SLC24A2: variants seen among roughly 807,000 people sequenced by gnomAD.
SLC24A2 encodes solute carrier family 24 member 2, also known as sodium/potassium/calcium exchanger 2.
Under a neutral mutation model 62.0 loss-of-function variants are expected in SLC24A2, and 36 were observed. The ratio of observed to expected loss-of-function variants is 0.58; its 90% CI spans 0.44 to 0.77. SLC24A2 has a LOEUF of 0.77. Among genes scored for constraint, SLC24A2 ranks in the 30% least tolerant of loss-of-function variants. SLC24A2 has a pLI of 0.00. For missense variants in SLC24A2, 846 were observed against 817.9 expected (o/e 1.03, Z -0.42); for synonymous variants, 358 against 294.0 (o/e 1.22, Z -2.23).
At chr9:19,726,797 A>G (rs1462217289) in intron 2 of SLC24A2, among the ~76,000 whole-genome samples, 1 of 152,218 alleles carries the variant, frequency 6.6e-6, no homozygotes, top group African/African-American at 2.4e-5. Context: ...GAATTGATCT[A>G]TCCCAAGGCA....
intron 2 of SLC24A2, among the ~76,000 whole-genome samples, chr9:19,689,151 C>G (rs539796567): frequency 6.6e-6 from 1 of 152,178 alleles, no homozygotes; most frequent in South Asian, 2.1e-4. Flanking sequence ...GATAAGGTAA[C>G]TGAGGCTGAG....
In SLC24A2 at chr9:19,578,808, T is replaced by C. The variant is rs149101274; in HGVS notation, c.1130-1786A>G. Among the ~76,000 whole-genome samples, 250 of 152,206 alleles carry C rather than the reference T, an allele frequency of 1.6e-3. 1 individual carries two copies. The highest frequency in any genetic ancestry group is 3.1e-3 in the Admixed American group (47 of 15,286). On this transcript the variant is annotated intron_variant, in intron 5 of 10. Transcript: ENST00000341998. ...CTAGAGTCAGACCAATGGACTCCAA[T>C]GGTGAAAATGACACGAGCTGTGACC...
At chr9:20,284,837 G>A in the SLC24A2 span, among the ~76,000 whole-genome samples, 13 of 152,138 alleles carry the variant, frequency 8.5e-5, no homozygotes, top group African/African-American at 3.1e-4. Flanking sequence ...AGAAACAAAA[G>A]GATTGTTTTC....
At chr9:20,132,057 G>C in the SLC24A2 span, among the ~76,000 whole-genome samples, 1 of 151,990 alleles carries the variant, frequency 6.6e-6, no homozygotes, top group Non-Finnish European at 1.5e-5. Flanking sequence ...CTGTAAATGT[G>C]GCTATTTTTT....
chr9:19,550,108 G>A (rs1180811279), intron 8 of SLC24A2, 29 bp downstream of exon 8: 1 of 1,609,136 alleles, frequency 6.2e-7, no homozygotes. Flanking sequence ...TGTTTTACAA[G>A]GGAACTATTT....
chr9:19,644,074 C>T (rs1182899048), intron 2 of SLC24A2, among the ~76,000 whole-genome samples: 2 of 152,228 alleles, frequency 1.3e-5, no homozygotes, highest in Non-Finnish European at 2.9e-5. Flanking sequence ...TTCACCTCAA[C>T]ATCTCAGTTG....
chr9:20,078,269 C>T, the SLC24A2 span, among the ~76,000 whole-genome samples: 1 of 152,082 alleles, frequency 6.6e-6, no homozygotes, highest in Non-Finnish European at 1.5e-5. Context: ...GTTTCTGTTG[C>T]TATTAAAGGA....
chr9:20,216,288 G>A, the SLC24A2 span, among the ~76,000 whole-genome samples: 1 of 152,192 alleles, frequency 6.6e-6, no homozygotes, highest in East Asian at 1.9e-4. Context: ...ACCTGTCAGA[G>A]ATTAAACTTA....
At chr9:19,721,788 A>T (rs530330542) in intron 2 of SLC24A2, among the ~76,000 whole-genome samples, 11 of 152,122 alleles carry the variant, frequency 7.2e-5, no homozygotes, top group Non-Finnish European at 1.3e-4. Context: ...CATCCTATTT[A>T]ATCTTTGCCA....
the SLC24A2 span, among the ~76,000 whole-genome samples, chr9:20,058,779 A>G: frequency 6.6e-6 from 1 of 152,164 alleles, no homozygotes; most frequent in Non-Finnish European, 1.5e-5. Context: ...CAAAACACAT[A>G]CACATGCATA....
the SLC24A2 span, among the ~76,000 whole-genome samples, chr9:20,140,568 T>A: frequency 6.6e-6 from 1 of 152,168 alleles, no homozygotes; most frequent in Non-Finnish European, 1.5e-5. Flanking sequence ...AAGACCCCCT[T>A]ATTTCTGGCT....
At chr9:19,765,179 C>T (rs1297005657) in intron 2 of SLC24A2, among the ~76,000 whole-genome samples, 3 of 151,928 alleles carry the variant, frequency 2.0e-5, no homozygotes, top group African/African-American at 7.3e-5. Flanking sequence ...TTATTTTGAG[C>T]CTATGTATGT....
chr9:19,744,217 C>A (rs1348576772), intron 2 of SLC24A2, among the ~76,000 whole-genome samples: 1 of 152,178 alleles, frequency 6.6e-6, no homozygotes, highest in African/African-American at 2.4e-5. Context: ...AGATCATCAT[C>A]TTTAATTCAA....
At chr9:20,191,832 C>G in the SLC24A2 span, among the ~76,000 whole-genome samples, 1 of 151,934 alleles carries the variant, frequency 6.6e-6, no homozygotes, top group African/African-American at 2.4e-5. Flanking sequence ...AGTGAGGTTT[C>G]CAGAACAAAA....
intron 2 of SLC24A2, among the ~76,000 whole-genome samples, chr9:19,701,387 C>T (rs893528400): frequency 3.9e-5 from 6 of 152,174 alleles, no homozygotes; most frequent in African/African-American, 1.4e-4. Flanking sequence ...AATTCATACC[C>T]CCATGCCAAG....
At chr9:20,161,935 G>T in the SLC24A2 span, among the ~76,000 whole-genome samples, 1 of 151,624 alleles carries the variant, frequency 6.6e-6, no homozygotes, top group Non-Finnish European at 1.5e-5. Context: ...TAGCTAATGC[G>T]ATTACATACA....
At chr9:19,793,132 C>T (rs1005007277), upstream of SLC24A2, among the ~76,000 whole-genome samples, 4 of 152,182 alleles carry the variant, frequency 2.6e-5, no homozygotes, top group African/African-American at 7.2e-5. Flanking sequence ...AATACAGTTA[C>T]TTAAAGGAAG....
the SLC24A2 span, among the ~76,000 whole-genome samples, chr9:19,867,151 T>A: frequency 1.3e-5 from 2 of 152,182 alleles, no homozygotes; most frequent in African/African-American, 4.8e-5. Context: ...ATGCATTGCA[T>A]GCCTGTATCA....
At chr9:20,026,472 T>G in the SLC24A2 span, among the ~76,000 whole-genome samples, 1 of 152,196 alleles carries the variant, frequency 6.6e-6, no homozygotes, top group South Asian at 2.1e-4. Context: ...TTGCAGATTC[T>G]CTTTAAGAGA....
Sources: allele counts gnomAD v4.1 joint callset (sites outside exome capture counted in the v4.1 genomes callset), GRCh38; gene constraint gnomAD v4.1.1; transcripts MANE v1.5; gene names NCBI Gene and HGNC (gene_info 2026-07-23, HGNC 2026-07-21).